The following EFCAB3 variants were observed in gnomAD, a reference collection of about 807,000 sequenced individuals.
EFCAB3 encodes EF-hand calcium-binding domain-containing protein 3.
A neutral mutation model predicts 42.2 loss-of-function variants in EFCAB3; 36 were observed. The ratio of observed to expected loss-of-function variants is 0.85; its 90% CI spans 0.65 to 1.13. The LOEUF is 1.13. Ranked by LOEUF, EFCAB3 falls within the 50% of genes most tolerant of loss-of-function variation. The probability of loss-of-function intolerance (pLI) is 0.00; values close to 1 mark genes in which losing one functional copy is unlikely to be tolerated. For missense variants in EFCAB3, 418 were observed against 505.1 expected (o/e 0.83, Z 1.65); for synonymous variants, 170 against 172.8 (o/e 0.98, Z 0.13).
chr17:62,393,125 C>T (rs1322779942), intron 4 of EFCAB3, among the ~76,000 whole-genome samples: 2 of 152,184 alleles, frequency 1.3e-5, no homozygotes, highest in Non-Finnish European at 2.9e-5. Context: ...CTTCTACTAA[C>T]TGTGTCAAAA....
chr17:62,392,455 T>A (rs984016363), intron 4 of EFCAB3, among the ~76,000 whole-genome samples: 3 of 152,078 alleles, frequency 2.0e-5, no homozygotes, highest in Non-Finnish European at 4.4e-5. Context: ...CAAATTCAGG[T>A]TACCTGTCCT....
intron 6 of EFCAB3, among the ~76,000 whole-genome samples, chr17:62,402,251 T>A (rs2070410222): frequency 6.6e-6 from 1 of 152,208 alleles, no homozygotes; most frequent in Non-Finnish European, 1.5e-5. Flanking sequence ...ACAATTTGAC[T>A]GCCTCTTTTC....
chr17:62,381,808 A>G, intron 1 of EFCAB3: 1 of 433,044 alleles, frequency 2.3e-6, no homozygotes. Context: ...AGTGAGCTGA[A>G]TGGAAAAAGC....
intron 7 of EFCAB3, 26 bp from the exon 8 acceptor site, chr17:62,407,002 T>C (rs1401364918): frequency 6.4e-7 from 1 of 1,562,194 alleles, no homozygotes; most frequent in Non-Finnish European, 8.6e-7. Context: ...TTGTTTGTGA[T>C]ACCATTTTTG....
At chr17:62,399,359 G>A (rs1435045547) in intron 6 of EFCAB3, among the ~76,000 whole-genome samples, 1 of 151,962 alleles carries the variant, frequency 6.6e-6, no homozygotes, top group Non-Finnish European at 1.5e-5. Context: ...GTGGAGATAG[G>A]TATTCACTAT....
At chr17:62,373,394 C>T (rs2070127930) in intron 1 of EFCAB3, among the ~76,000 whole-genome samples, 1 of 151,908 alleles carries the variant, frequency 6.6e-6, no homozygotes, top group African/African-American at 2.4e-5. Context: ...GTGAGGATCA[C>T]TTGAGGCCAA....
chr17:62,394,080 G>A (rs374115196), intron 5 of EFCAB3, among the ~76,000 whole-genome samples: 1 of 151,546 alleles, frequency 6.6e-6, no homozygotes, highest in East Asian at 1.9e-4. Flanking sequence ...TCAGCCTCCC[G>A]GTAGCTGGGA....
At chr17:62,370,924 CA>C (rs879890610) in intron 1 of EFCAB3, among the ~76,000 whole-genome samples, 67 of 133,324 alleles carry the variant, frequency 5.0e-4, no homozygotes, top group South Asian at 9.5e-4. Flanking sequence ...CCTGTCTCTA[CA>C]AAAAAAAAAA....
chr17:62,396,424 G>T (rs944601575), intron 6 of EFCAB3, among the ~76,000 whole-genome samples: 26 of 151,986 alleles, frequency 1.7e-4, no homozygotes, highest in Admixed American at 2.0e-4. Context: ...ATAGTGGCAG[G>T]TGCCTGTAAT....
chr17:62,379,630 C>G (rs2070179575), upstream of EFCAB3, among the ~76,000 whole-genome samples: 1 of 152,054 alleles, frequency 6.6e-6, no homozygotes. Context: ...AATAGGAAAC[C>G]TCTAGAACTG....
intron 6 of EFCAB3, among the ~76,000 whole-genome samples, chr17:62,404,597 G>A (rs979831397): frequency 5.9e-5 from 9 of 152,182 alleles, no homozygotes; most frequent in Non-Finnish European, 1.2e-4. Context: ...GGGAGTTCAA[G>A]ACCAGCCTGA....
At chr17:62,380,481 C>T, upstream of EFCAB3, 1 of 846,566 alleles carries the variant, frequency 1.2e-6, no homozygotes, top group Non-Finnish European at 1.4e-6. Context: ...GGAAGGAGCT[C>T]CTGGGTCATT....
chr17:62,386,955 A>AT (rs202099393), intron 2 of EFCAB3, among the ~76,000 whole-genome samples: 5 of 151,442 alleles, frequency 3.3e-5, no homozygotes, highest in Admixed American at 1.3e-4. Context: ...CACCTGGCTA[A>AT]TTTTTTTTTA....
chr17:62,370,419 C>A, intron 1 of EFCAB3: 1 of 1,257,282 alleles, frequency 8.0e-7, no homozygotes. Context: ...CTTTGAGATG[C>A]CAAGGCAGGT....
chr17:62,388,964 G>A (rs982834840), intron 3 of EFCAB3, among the ~76,000 whole-genome samples: 1 of 152,172 alleles, frequency 6.6e-6, no homozygotes, highest in Non-Finnish European at 1.5e-5. Context: ...ACAGGCAGAC[G>A]CAGAAATGAT....
chr17:62,412,676 T>G (rs3851813), intron 8 of EFCAB3, among the ~76,000 whole-genome samples: 14,029 of 151,480 alleles, frequency 0.093, 1,651 homozygotes, highest in East Asian at 0.44. Context: ...TGTTGGCTGG[T>G]CTTGAACTCC....
chr17:62,379,905 A>G (rs568878249), upstream of EFCAB3, among the ~76,000 whole-genome samples: 11 of 152,220 alleles, frequency 7.2e-5, no homozygotes, highest in Non-Finnish European at 1.3e-4. Flanking sequence ...CTCTCTTTCT[A>G]GGCTTAAACA....
At chr17:62,371,384 G>A (rs778396456) in intron 1 of EFCAB3, among the ~76,000 whole-genome samples, 7 of 150,314 alleles carry the variant, frequency 4.7e-5, no homozygotes, top group Non-Finnish European at 5.9e-5. Context: ...GTGAAACCCC[G>A]TCTCTACTAA....
intron 7 of EFCAB3, 57 bp downstream of exon 7, chr17:62,406,730 G>A: frequency 6.3e-7 from 1 of 1,577,766 alleles, no homozygotes; most frequent in Non-Finnish European, 8.6e-7. Context: ...TATATGACTG[G>A]TCAGAAAGAA....
Sources: gnomAD v4.1 joint callset for allele counts (sites outside exome capture counted in the v4.1 genomes callset) on GRCh38, gnomAD v4.1.1 for gene constraint, MANE v1.5 for transcripts, NCBI Gene and HGNC (gene_info 2026-07-23, HGNC 2026-07-21) for gene names.